Variants in COLEC12 observed in about 807,000 individuals in gnomAD.
COLEC12 encodes collectin-12.
A neutral mutation model predicts 71.1 loss-of-function variants in COLEC12; 33 were observed. That is an observed-to-expected ratio of 0.46 (90% CI 0.35 to 0.62). The LOEUF is 0.62. COLEC12 is among the 20% of genes least tolerant of loss of function. COLEC12 has a pLI of 0.00. For synonymous variants in COLEC12, 350 were observed against 353.0 expected (o/e 0.99, Z 0.10); for missense variants, 765 against 916.1 (o/e 0.84, Z 2.13).
chr18:426,371 T>G (rs969989733), intron 2 of COLEC12, among the ~76,000 whole-genome samples: 1 of 152,182 alleles, frequency 6.6e-6, no homozygotes, highest in African/African-American at 2.4e-5. Context: ...CTGCATGTTT[T>G]GGGGTCTGCG....
intron 2 of COLEC12, among the ~76,000 whole-genome samples, chr18:455,651 C>T (rs991730501): frequency 6.6e-6 from 1 of 151,710 alleles, no homozygotes; most frequent in East Asian, 1.9e-4. Context: ...CCCTTTGCCC[C>T]CCCCTCCCCT....
chr18:389,454 A>G (rs1044826394), intron 2 of COLEC12, among the ~76,000 whole-genome samples: 1 of 151,692 alleles, frequency 6.6e-6, no homozygotes, highest in African/African-American at 2.4e-5. Context: ...AATTTTTTGT[A>G]TTTTTAGTAG....
intron 2 of COLEC12, among the ~76,000 whole-genome samples, chr18:368,417 AC>A (rs1914902108): frequency 6.6e-6 from 1 of 151,938 alleles, no homozygotes; most frequent in South Asian, 2.1e-4. Flanking sequence ...TACTAAAAAC[AC>A]AAAAAATTAG....
At chr18:406,055 T>C (rs555808090) in intron 2 of COLEC12, among the ~76,000 whole-genome samples, 1 of 152,230 alleles carries the variant, frequency 6.6e-6, no homozygotes, top group Non-Finnish European at 1.5e-5. Flanking sequence ...CAGATGGCAA[T>C]GAGAGTGACC....
chr18:366,097 G>A (rs556875943), intron 2 of COLEC12, among the ~76,000 whole-genome samples: 1 of 152,296 alleles, frequency 6.6e-6, no homozygotes, highest in East Asian at 1.9e-4. Context: ...AGTTATACTG[G>A]TGAACACAAC....
At chr18:322,527 C>G (rs113934683) in intron 8 of COLEC12, among the ~76,000 whole-genome samples, 2,516 of 152,258 alleles carry the variant, frequency 0.017, 67 homozygotes, top group African/African-American at 0.057. Context: ...TGCTGCTGCT[C>G]AGAACAGCAC....
chr18:322,787 C>T (rs1324701558), intron 8 of COLEC12, among the ~76,000 whole-genome samples: 1 of 152,158 alleles, frequency 6.6e-6, no homozygotes, highest in Admixed American at 6.5e-5. Context: ...CCCGAGGAGA[C>T]AGCCTGTATG....
intron 2 of COLEC12, among the ~76,000 whole-genome samples, chr18:471,175 G>A (rs1399789387): frequency 1.3e-5 from 2 of 152,070 alleles, no homozygotes; most frequent in African/African-American, 2.4e-5. Flanking sequence ...TGTCAATCAC[G>A]GCCAAATGTC....
At chr18:453,440 A>C (rs1916801814) in intron 2 of COLEC12, among the ~76,000 whole-genome samples, 1 of 152,210 alleles carries the variant, frequency 6.6e-6, no homozygotes. Context: ...AGCTACCCAC[A>C]TGCAGAGATA....
At chr18:413,052 A>G in intron 2 of COLEC12, among the ~76,000 whole-genome samples, 1 of 152,258 alleles carries the variant, frequency 6.6e-6, no homozygotes, top group East Asian at 1.9e-4. Flanking sequence ...CGCTGTCTCC[A>G]AGAAACTCAT....
chr18:497,280 T>C (rs1341741034), intron 1 of COLEC12, among the ~76,000 whole-genome samples: 1 of 152,178 alleles, frequency 6.6e-6, no homozygotes, highest in Non-Finnish European at 1.5e-5. Context: ...GTCACGTTGG[T>C]ACCCTAAAAA....
chr18:410,788 C>CA (rs369405522), intron 2 of COLEC12, among the ~76,000 whole-genome samples: 5,417 of 146,038 alleles, frequency 0.037, 156 homozygotes, highest in African/African-American at 0.086. Context: ...AGAGCACAGA[C>CA]AAAAAAAAAA....
chr18:356,258 T>C (rs1914626964), intron 3 of COLEC12, among the ~76,000 whole-genome samples: 1 of 152,210 alleles, frequency 6.6e-6, no homozygotes, highest in South Asian at 2.1e-4. Flanking sequence ...GTAGCATTAT[T>C]ACTGCCATTT....
At chr18:356,676 G>A (rs983464332) in intron 3 of COLEC12, among the ~76,000 whole-genome samples, 2 of 152,162 alleles carry the variant, frequency 1.3e-5, no homozygotes, top group African/African-American at 2.4e-5. Context: ...TTCCCTGGCT[G>A]TTTTCTAGAA....
intron 5 of COLEC12, among the ~76,000 whole-genome samples, chr18:344,043 C>A (rs1246096794): frequency 6.6e-6 from 1 of 152,152 alleles, no homozygotes; most frequent in East Asian, 1.9e-4. Flanking sequence ...GACAAGGTAA[C>A]AATTAAATTA....
At chr18:436,817 G>C (rs1381500582) in intron 2 of COLEC12, among the ~76,000 whole-genome samples, 2 of 152,022 alleles carry the variant, frequency 1.3e-5, no homozygotes, top group African/African-American at 4.8e-5. Flanking sequence ...AAGTTTCGAG[G>C]CCAAGGTCCA....
chr18:488,261 A>C (rs1252676610), intron 1 of COLEC12, among the ~76,000 whole-genome samples: 1 of 151,812 alleles, frequency 6.6e-6, no homozygotes, highest in Non-Finnish European at 1.5e-5. Flanking sequence ...AAATACAAAA[A>C]TTAGCCGGGC....
intron 8 of COLEC12, among the ~76,000 whole-genome samples, chr18:329,937 TGTG>T (rs1913934282): frequency 6.6e-6 from 1 of 151,996 alleles, no homozygotes; most frequent in African/African-American, 2.4e-5. Context: ...ATTAGCCGGG[TGTG>T]GTGATGTGCA....
chr18:369,955 G>T (rs652395), intron 2 of COLEC12, among the ~76,000 whole-genome samples: 1 of 152,178 alleles, frequency 6.6e-6, no homozygotes, highest in East Asian at 1.9e-4. Context: ...GAGCAACCCC[G>T]ATCTGGAAGA....
Sources: gnomAD v4.1 joint callset for allele counts (sites outside exome capture counted in the v4.1 genomes callset) on GRCh38, gnomAD v4.1.1 for gene constraint, MANE v1.5 for transcripts, NCBI Gene and HGNC (gene_info 2026-07-23, HGNC 2026-07-21) for gene names.